Variants in ANKRD45 observed in about 807,000 individuals in gnomAD.
ANKRD45 encodes the protein ankyrin repeat domain 45.
A neutral mutation model predicts 28.1 loss-of-function variants in ANKRD45; 21 were observed. The ratio of observed to expected loss-of-function variants is 0.75; its 90% CI spans 0.53 to 1.08. ANKRD45 has a LOEUF of 1.08. Among genes scored for constraint, ANKRD45 ranks in the 50% least tolerant of loss-of-function variants. ANKRD45 has a pLI of 0.00. For missense variants in ANKRD45, 261 were observed against 308.7 expected (o/e 0.85, Z 1.16); for synonymous variants, 86 against 103.9 (o/e 0.83, Z 1.05).
chr1:173,619,724 A>C (rs535173646), intron 5 of ANKRD45, among the ~76,000 whole-genome samples: 51 of 151,674 alleles, frequency 3.4e-4, no homozygotes, highest in African/African-American at 1.2e-3. Context: ...GCCACTCGGG[A>C]GGGGGAGGCA....
At chr1:173,694,324 C>G in the ANKRD45 span, among the ~76,000 whole-genome samples, 1 of 151,918 alleles carries the variant, frequency 6.6e-6, no homozygotes, top group Non-Finnish European at 1.5e-5. Context: ...CCACGGACAC[C>G]AAGCTAACTT....
chr1:173,639,520 G>A (rs1453067807), intron 3 of ANKRD45, among the ~76,000 whole-genome samples: 4 of 152,192 alleles, frequency 2.6e-5, no homozygotes, highest in Admixed American at 6.5e-5. Context: ...AAAGGGAGAT[G>A]TTATCCAAAC....
the ANKRD45 span, among the ~76,000 whole-genome samples, chr1:173,694,078 G>A: frequency 6.6e-6 from 1 of 152,140 alleles, no homozygotes; most frequent in African/African-American, 2.4e-5. Context: ...CACTGTCTAA[G>A]GCACTATTTC....
chr1:173,642,951 C>A (rs1668762465), intron 3 of ANKRD45, among the ~76,000 whole-genome samples: 1 of 152,144 alleles, frequency 6.6e-6, no homozygotes, highest in Admixed American at 6.5e-5. Flanking sequence ...AGCAGCAACC[C>A]TTTCTGCAGA....
chr1:173,715,142 ATATGTGGTC>A, the ANKRD45 span: 1 of 152,372 alleles, frequency 6.6e-6, no homozygotes, highest in South Asian at 2.1e-4. Flanking sequence ...CGCTTCGCAG[ATATGTGGTC>A]CCAAGTTGCT....
At chr1:173,697,174 C>A in the ANKRD45 span, among the ~76,000 whole-genome samples, 1 of 152,200 alleles carries the variant, frequency 6.6e-6, no homozygotes, top group East Asian at 1.9e-4. Flanking sequence ...TGTGAAAAGA[C>A]CAAATCTACA....
At chr1:173,638,263 A>C (rs1668544536) in intron 3 of ANKRD45, among the ~76,000 whole-genome samples, 1 of 152,172 alleles carries the variant, frequency 6.6e-6, no homozygotes, top group Non-Finnish European at 1.5e-5. Flanking sequence ...TGAGCCTTTC[A>C]CAAGCCTTTA....
At chr1:173,611,781 T>C (rs948917574) in intron 5 of ANKRD45, among the ~76,000 whole-genome samples, 1 of 152,130 alleles carries the variant, frequency 6.6e-6, no homozygotes, top group Middle Eastern at 3.2e-3. Flanking sequence ...GAAAAACAGA[T>C]AAATTGAACT....
chr1:173,644,175 C>T (rs2102355542), intron 3 of ANKRD45, among the ~76,000 whole-genome samples: 1 of 152,226 alleles, frequency 6.6e-6, no homozygotes, highest in African/African-American at 2.4e-5. Flanking sequence ...TTTCTGAATC[C>T]TTTAAGTCTC....
At chr1:173,703,891 A>G in the ANKRD45 span, among the ~76,000 whole-genome samples, 2 of 152,248 alleles carry the variant, frequency 1.3e-5, no homozygotes, top group East Asian at 1.9e-4. Flanking sequence ...TGACACTTTG[A>G]TCTCAGACTT....
intron 3 of ANKRD45, among the ~76,000 whole-genome samples, chr1:173,636,386 G>A (rs1558128792): frequency 6.6e-6 from 1 of 152,092 alleles, no homozygotes; most frequent in African/African-American, 2.4e-5. Flanking sequence ...AGTTTGAGAG[G>A]CAACCTTAAA....
chr1:173,681,910 C>T, the ANKRD45 span, among the ~76,000 whole-genome samples: 1 of 151,884 alleles, frequency 6.6e-6, no homozygotes, highest in Non-Finnish European at 1.5e-5. Flanking sequence ...ATTAGCTGGG[C>T]ATGGTGGCAC....
chr1:173,628,197 A>G (rs1331148116), intron 3 of ANKRD45, among the ~76,000 whole-genome samples: 1 of 151,150 alleles, frequency 6.6e-6, no homozygotes, highest in Non-Finnish European at 1.5e-5. Context: ...GACCCAGAAC[A>G]TTCCCCAGCT....
At chr1:173,664,737 T>A (rs1669936259) in intron 1 of ANKRD45, among the ~76,000 whole-genome samples, 2 of 152,222 alleles carry the variant, frequency 1.3e-5, no homozygotes, top group African/African-American at 4.8e-5. Context: ...GGTTGTAAAC[T>A]TGCTGGGTGC....
chr1:173,616,188 C>G (rs61828922), intron 5 of ANKRD45, among the ~76,000 whole-genome samples: 23,367 of 152,034 alleles, frequency 0.15, 2,124 homozygotes, highest in Middle Eastern at 0.31. Flanking sequence ...ATACATGTTA[C>G]CACATGGATG....
At chr1:173,616,022 G>A (rs1346299996) in intron 5 of ANKRD45, among the ~76,000 whole-genome samples, 1 of 151,840 alleles carries the variant, frequency 6.6e-6, no homozygotes, top group Non-Finnish European at 1.5e-5. Flanking sequence ...AGAATGGCAT[G>A]AACCCAGGAG....
chr1:173,630,235 T>C (rs1439880220), intron 3 of ANKRD45, among the ~76,000 whole-genome samples: 1 of 152,148 alleles, frequency 6.6e-6, no homozygotes, highest in African/African-American at 2.4e-5. Flanking sequence ...AACTCACTGG[T>C]AATAGTAAGT....
At chr1:173,638,533 G>C (rs1287651740) in intron 3 of ANKRD45, among the ~76,000 whole-genome samples, 1 of 151,680 alleles carries the variant, frequency 6.6e-6, no homozygotes, top group Non-Finnish European at 1.5e-5. Context: ...GGGGTTGAAA[G>C]CTCCAGGGAA....
intron 3 of ANKRD45, chr1:173,635,559 T>C: frequency 6.5e-7 from 1 of 1,534,902 alleles, no homozygotes; most frequent in South Asian, 1.2e-5. Flanking sequence ...TTTTCTCTGT[T>C]GTTTATCTGC....
Sources: gnomAD v4.1 joint callset for allele counts (sites outside exome capture counted in the v4.1 genomes callset) on GRCh38, gnomAD v4.1.1 for gene constraint, MANE v1.5 for transcripts, NCBI Gene and HGNC (gene_info 2026-07-23, HGNC 2026-07-21) for gene names.